TRIM47: variants seen among roughly 807,000 people sequenced by gnomAD.
TRIM47 encodes E3 ubiquitin-protein ligase TRIM47.
TRIM47 carries 46 observed loss-of-function variants against 54.4 expected under a neutral mutation model. The ratio of observed to expected loss-of-function variants is 0.84; its 90% CI spans 0.67 to 1.08. The LOEUF is 1.08. Among genes scored for constraint, TRIM47 ranks in the 50% least tolerant of loss-of-function variants. The pLI is 0.00. For missense variants in TRIM47, 825 were observed against 910.1 expected, an observed-to-expected ratio of 0.91 and a Z score of 1.20; for synonymous variants, 392 against 410.2, an observed-to-expected ratio of 0.96 and a Z score of 0.54.
chr17:75,876,295 C>T lies in TRIM47; in HGVS notation c.969G>A (p.Gln323=). Reference sequence around the variant, plus strand: ...AGCTGACTGAGTCAGCTTCAGGGACCTGGCTGAGATTCTGGCGGGCTCGGC... The same window carrying T: ...AGCTGACTGAGTCAGCTTCAGGGACTTGGCTGAGATTCTGGCGGGCTCGGC... ...RLSRARQNLS[Q]VPEADSVSFL... The change falls in exon 3 of 6, where the codon CAG becomes CAA. Residue 323 remains glutamine, a synonymous_variant. Transcript: ENST00000254816. 6.2e-7 allele frequency: 1 copy of T among 1,610,210 alleles called. No homozygotes were observed. Among genetic ancestry groups the T allele is most frequent in the African/African-American group, 1.3e-5 (1 of 75,036 alleles).
In TRIM47 at chr17:75,878,503, G is replaced by A. The variant is rs747991199; in HGVS notation, c.46C>T (p.Leu16Phe). ...CAGGGCAGCGTCACCGGCTCCCGGA[G>A]TGGCTCTAGGCAGATGGGGCAGCTG... The part of the protein sequence containing the change: ...PFSCPICLEP[L>F]REPVTLPCGH... The change falls in exon 1 of 6, where the codon CTC becomes TTC. Residue 16 changes from leucine to phenylalanine, a missense_variant. Coordinates refer to ENST00000254816, the MANE Select transcript of TRIM47 (RefSeq NM_033452.3). 11 of 1,377,948 alleles carry A rather than the reference G, an allele frequency of 8.0e-6. No homozygotes were observed. The highest frequency in any genetic ancestry group is 1.7e-5 in the South Asian group (1 of 59,700). The allele number at this position is 1,377,948 out of a possible 1,614,324, so 85.4% of individuals were successfully genotyped here.
At position 75,875,893 on chromosome 17, in the gene TRIM47, G is replaced by T. The variant is rs1007592147; in HGVS notation, c.1201+8C>A. On this transcript the variant is annotated splice_region_variant and intron_variant, in intron 4 of 5. Coordinates refer to ENST00000254816, the MANE Select transcript of TRIM47 (RefSeq NM_033452.3). The surrounding 1 kb of genome is among the most constrained non-coding windows in gnomAD (Gnocchi z 6.1). ...TGAGTCATCGGGGGGGCGTGGGGCG[G>T]TGCCCACCTTCCGAGTCCAGCTTCT... The T allele has an allele frequency of 1.9e-6, 3 of 1,609,918 alleles. No individual in the cohort carries two copies. The highest frequency in any genetic ancestry group is 2.5e-6 in the Non-Finnish European group (3 of 1,179,058).
Position 75,875,732 on chromosome 17 carries a change from G to T in TRIM47, c.1201+169C>A. 2.4e-6 allele frequency: 2 copies of T among 823,908 alleles called. No individual in the cohort carries two copies. The highest frequency in any genetic ancestry group is 3.8e-6 in the Non-Finnish European group (2 of 531,208). The allele number at this position is 823,908 out of a possible 1,614,324, so 51.0% of individuals were successfully genotyped here. On this transcript the variant is annotated intron_variant, in intron 4 of 5. Transcript: ENST00000254816. This position sits in a 1 kb window ranked among gnomAD's most constrained non-coding sequence, Gnocchi z 6.1. ...GCCCCCTCTACCCCAGGTCCAAGGG[G>T]CTGATTGATCCCCACAGGGTGGCAG...
chr17:75,874,415 G>A lies in TRIM47; in HGVS notation c.*68C>T, dbSNP rs761851835. ...GACTCATGCTGGTGCCTTCCCAGACGAAGGAGAGGGCCCAGAGGAGGCAGC... is the reference window on the plus strand; with the variant it reads ...GACTCATGCTGGTGCCTTCCCAGACAAAGGAGAGGGCCCAGAGGAGGCAGC... On this transcript the variant is annotated 3_prime_UTR_variant, in exon 6 of 6. Transcript: ENST00000254816. The surrounding 1 kb of genome is among the most constrained non-coding windows in gnomAD (Gnocchi z 6.2). The A allele has an allele frequency of 4.2e-6, 6 of 1,431,956 alleles. No individual in the cohort carries two copies. In the African/African-American group the frequency reaches 8.6e-5, roughly 20 times the overall value. The allele number at this position is 1,431,956 out of a possible 1,614,324, so 88.7% of individuals were successfully genotyped here. A position where few individuals can be genotyped will look rare whatever the true frequency, so the allele number is the denominator to read the frequency against.
Position 75,876,755 on chromosome 17 carries a change from C to G in TRIM47, c.734G>C (p.Gly245Ala), listed in dbSNP as rs143734502. 3 of 1,614,064 alleles carry G rather than the reference C, an allele frequency of 1.9e-6. No homozygotes were observed. The African/African-American group carries it at 4.0e-5, about 22-fold the overall frequency. The change falls in exon 2 of 6, where the codon GGC (glycine) becomes GCC (alanine). Residue 245 changes from glycine (G) to alanine (A), a missense_variant. Transcript: ENST00000254816. The stretch of plus-strand genomic sequence containing the variant: ...CACTGTGCGCCTGGACTGTGCAATG[C>G]CAGCACCCAGCTCGTCCATGCGGTC... Reference protein sequence around the residue: ...VEDRMDELGAGIAQSRRTVAL... With the variant: ...VEDRMDELGAAIAQSRRTVAL...
Position 75,874,642 on chromosome 17 carries a change from C to T in TRIM47, c.1758G>A (p.Pro586=), listed in dbSNP as rs766665220. ...KASRPRRGGI[P]ASPIDPFQSR... is the part of the protein sequence containing the mutation. ...TCTGGAAGGGGTCAATGGGGGAGGC[C>T]GGGATGCCACCCCGGCGGGGCCGGG... is the stretch of plus-strand genomic sequence containing the variant. The change falls in exon 6 of 6, where the codon CCG becomes CCA. Residue 586 remains proline, a synonymous_variant. Coordinates refer to ENST00000254816, the MANE Select transcript of TRIM47 (RefSeq NM_033452.3). This position sits in a 1 kb window ranked among gnomAD's most constrained non-coding sequence, Gnocchi z 6.2. 1.6e-5 allele frequency: 25 copies of T among 1,589,018 alleles called. No homozygotes were observed. The highest frequency in any genetic ancestry group is 4.5e-5 in the East Asian group (2 of 44,480).
intron 1 of TRIM47, chr17:75,877,605 T>G (rs2065143134): frequency 1.8e-6 from 2 of 1,128,490 alleles, no homozygotes. Context: ...CCCTCCCGCC[T>G]ACACCCCCAT....
intron 1 of TRIM47, 53 bp from the exon 2 acceptor site, chr17:75,876,866 C>G (rs1172491723): frequency 1.9e-6 from 3 of 1,576,548 alleles, no homozygotes; most frequent in Non-Finnish European, 8.7e-7. Flanking sequence ...CACAGCCCTA[C>G]ACTCGGGTCC....
chr17:75,877,672 C>CA, intron 1 of TRIM47: 1 of 1,232,624 alleles, frequency 8.1e-7, no homozygotes, highest in Non-Finnish European at 1.0e-6. Context: ...GTCCTGTTCT[C>CA]ACGTCCCTCC....
rs1395637729 is a variant in TRIM47 at position 75,878,081 on chromosome 17, C to G, written c.468G>C (p.Leu156=). 21 of 1,339,366 alleles carry G rather than the reference C, an allele frequency of 1.6e-5. No individual in the cohort carries two copies. The highest frequency in any genetic ancestry group is 1.8e-5 in the Non-Finnish European group (19 of 1,049,756). 83.0% of individuals were successfully genotyped at this position (1,339,366 alleles called of 1,614,324 possible). The change falls in exon 1 of 6, where the codon CTG becomes CTC. Residue 156 remains leucine (L), a synonymous_variant. Coordinates refer to ENST00000254816, the MANE Select transcript of TRIM47 (RefSeq NM_033452.3). ...GGGCGGGGCTGCGCTCGTGCGGGCC[C>G]AGGTGCGCGGGGCAAAAGGAGGCGA... The part of the protein sequence containing the change: ...SCLASFCPAH[L]GPHERSPALR...
In TRIM47 at chr17:75,877,937, G is replaced by T. The variant is rs775996743; in HGVS notation, c.612C>A (p.Cys204Ter). The T allele has an allele frequency of 1.4e-6, 2 of 1,444,964 alleles. No individual in the cohort carries two copies. Among genetic ancestry groups the T allele is most frequent in the Non-Finnish European group, 1.8e-6 (2 of 1,103,306 alleles). 89.5% of individuals were successfully genotyped at this position (1,444,964 alleles called of 1,614,324 possible). A position where few individuals can be genotyped will look rare whatever the true frequency, so the allele number is the denominator to read the frequency against. The change falls in exon 1 of 6, where the codon TGC (cysteine) becomes TGA (stop). Residue 204 changes from cysteine to a stop codon, truncating the protein, a stop_gained. Transcript: ENST00000254816. LOFTEE classifies it high-confidence loss of function. ...CGTGGCCGCGGTGCTCCTGTGCGGC[G>T]CAGGCCTCGCACAGACACACGCGCT... ...RAERVCLCEA[C>*]AAQEHRGHEL... is the part of the protein sequence containing the mutation.
In TRIM47 at chr17:75,874,235, G is replaced by C. The variant is rs2065117643; in HGVS notation, c.*248C>G. 1 of 395,134 alleles carries C rather than the reference G, an allele frequency of 2.5e-6. No individual in the cohort carries two copies. Among genetic ancestry groups the C allele is most frequent in the African/African-American group, 2.1e-5 (1 of 48,476 alleles). 24.5% of individuals were successfully genotyped at this position (395,134 alleles called of 1,614,324 possible). A position where few individuals can be genotyped will look rare whatever the true frequency, so the allele number is the denominator to read the frequency against. On this transcript the variant is annotated 3_prime_UTR_variant, in exon 6 of 6. Transcript: ENST00000254816. The surrounding 1 kb of genome is among the most constrained non-coding windows in gnomAD (Gnocchi z 6.2). ...ATTCTAGAAACCTGGGAAAGGAGGG[G>C]TTAGGGTAGCTTGGAGCTGTCCCAG...
chr17:75,874,903 G>C lies in TRIM47; in HGVS notation c.1497C>G (p.Ala499=), dbSNP rs149303059. The change falls in exon 6 of 6, where the codon GCC becomes GCG. Residue 499 remains alanine (A), a synonymous_variant. Transcript: ENST00000254816. The surrounding 1 kb of genome is among the most constrained non-coding windows in gnomAD (Gnocchi z 6.2). ...AGGGCTCTTGTGGGGAGAAGTCTTC[G>C]GCCATGACCCCCATGCTGACCCAGC... ...IEGWVSMGVM[A]EDFSPQEPYD... The C allele has an allele frequency of 4.4e-4, 714 of 1,614,074 alleles. No individual in the cohort carries two copies. Among genetic ancestry groups the C allele is most frequent in the Non-Finnish European group, 5.7e-4 (669 of 1,179,988 alleles).
Position 75,874,736 on chromosome 17 carries a change from G to T in TRIM47, c.1664C>A (p.Ala555Asp). The T allele has an allele frequency of 6.2e-7, 1 of 1,614,070 alleles. No homozygotes were observed. The highest frequency in any genetic ancestry group is 1.6e-4 in the Middle Eastern group (1 of 6,062). Residue 555 changes from alanine (A) to aspartate (D), a missense_variant, in exon 6 of 6, where the codon GCT becomes GAT. Physicochemically the swap from Ala to Asp is moderately radical, Grantham distance 126 (BLOSUM62 -2). Coordinates refer to ENST00000254816, the MANE Select transcript of TRIM47 (RefSeq NM_033452.3). The surrounding 1 kb of genome is among the most constrained non-coding windows in gnomAD (Gnocchi z 6.2). ...SPTVGVCLEYADRALAFYAVR... is the reference protein window; with the variant it reads ...SPTVGVCLEYDDRALAFYAVR... ...AGCATAGAAGGCCAAGGCACGGTCA[G>T]CGTATTCCAGGCAGACCCCAACCGT...
chr17:75,874,325 G>C lies in TRIM47; in HGVS notation c.*158C>G. On this transcript the variant is annotated 3_prime_UTR_variant, in exon 6 of 6. Transcript: ENST00000254816. This position sits in a 1 kb window ranked among gnomAD's most constrained non-coding sequence, Gnocchi z 6.2. ...CAGGGTCTGGGGGTCCTCCTGCCTG[G>C]GAGAGGGAAGGCTGAGTGTATAAAA... The C allele has an allele frequency of 1.6e-6, 1 of 626,314 alleles. No homozygotes were observed. The highest frequency in any genetic ancestry group is 2.5e-6 in the Non-Finnish European group (1 of 401,676). 38.8% of individuals were successfully genotyped at this position (626,314 alleles called of 1,614,324 possible).
chr17:75,874,192 T>C lies in TRIM47; in HGVS notation c.*291A>G, dbSNP rs1329133816. 9.6e-6 allele frequency: 3 copies of C among 312,466 alleles called. 1 individual carries two copies. Among genetic ancestry groups the C allele is most frequent in the Admixed American group, 9.6e-5 (2 of 20,886 alleles). The allele number at this position is 312,466 out of a possible 1,614,324, so 19.4% of individuals were successfully genotyped here. ...ATTCAACAAGTGTTTATTGAGCATC[T>C]ACTACATGCCAGACACTATTCTAGA... On this transcript the variant is annotated 3_prime_UTR_variant, in exon 6 of 6. Transcript: ENST00000254816. The surrounding 1 kb of genome is among the most constrained non-coding windows in gnomAD (Gnocchi z 6.2).
chr17:75,877,575 C>T (rs1105917), intron 1 of TRIM47: 144,515 of 894,262 alleles, frequency 0.16, 13,383 homozygotes, highest in African/African-American at 0.37. Context: ...CTACCGGAAC[C>T]CCGCGGGCCT....
Position 75,875,669 on chromosome 17 carries a change from G to T in TRIM47, c.1202-195C>A. ...GCCTCTTGCCCCATGTGCTTCCCGG[G>T]CCACAGCCCTCTGGAGCTAGAGGGT... On this transcript the variant is annotated intron_variant, in intron 4 of 5. Coordinates refer to ENST00000254816, the MANE Select transcript of TRIM47 (RefSeq NM_033452.3). The surrounding 1 kb of genome is among the most constrained non-coding windows in gnomAD (Gnocchi z 6.1). 2.8e-6 allele frequency: 2 copies of T among 713,666 alleles called. No individual in the cohort carries two copies. Among genetic ancestry groups the T allele is most frequent in the Non-Finnish European group, 4.7e-6 (2 of 422,432 alleles). 44.2% of individuals were successfully genotyped at this position (713,666 alleles called of 1,614,324 possible).
rs2065124254 is a variant in TRIM47, at chr17:75,874,948, C to T, written c.1452G>A (p.Trp484Ter). ...EGALDRGTYY[W>*]EVEIIEGWVS... ...CCCAGCCCTCGATAATCTCCACCTCCCAGTAGTAGGTGCCTCGGTCCAGGG... is the reference window on the plus strand; with the variant it reads ...CCCAGCCCTCGATAATCTCCACCTCTCAGTAGTAGGTGCCTCGGTCCAGGG... The change falls in exon 6 of 6, where the codon TGG becomes TGA. Residue 484 changes from tryptophan to a stop codon, truncating the protein, a stop_gained. Coordinates refer to ENST00000254816, the MANE Select transcript of TRIM47 (RefSeq NM_033452.3). LOFTEE classifies it high-confidence loss of function. The surrounding 1 kb of genome is among the most constrained non-coding windows in gnomAD (Gnocchi z 6.2). 1 of 1,614,124 alleles carries T rather than the reference C, an allele frequency of 6.2e-7. No homozygotes were observed. Among genetic ancestry groups the T allele is most frequent in the Non-Finnish European group, 8.5e-7 (1 of 1,179,996 alleles).
Sources: gnomAD v4.1 joint callset for allele counts on GRCh38, gnomAD v4.1.1 for gene constraint, Gnocchi (gnomAD v3.1) non-coding constraint, MANE v1.5 for transcripts, NCBI Gene and HGNC (gene_info 2026-07-23, HGNC 2026-07-21) for gene names.